Variants in LMO3 observed in about 807,000 individuals in gnomAD.
The protein encoded by LMO3 is LIM domain only 3.
A neutral mutation model predicts 15.8 loss-of-function variants in LMO3; 2 were observed. That is an observed-to-expected ratio of 0.13 (90% CI 0.05 to 0.40). LMO3 has a LOEUF of 0.40. LMO3 is among the 10% of genes least tolerant of loss of function. The pLI is 0.99. For synonymous variants in LMO3, 62 were observed against 63.8 expected (o/e 0.97, Z 0.13); for missense variants, 86 against 182.2 (o/e 0.47, Z 3.04).
rs777114912 is a variant in LMO3 at position 16,585,821 on chromosome 12, C to T, written c.206+14834G>A. On this transcript the variant is annotated intron_variant, in intron 2 of 3. Coordinates refer to ENST00000537304, the MANE Select transcript of LMO3 (RefSeq NM_018640.5). This position sits in a 1 kb window ranked among gnomAD's most constrained non-coding sequence, Gnocchi z 4.7. ...TAGAAAGTAAATTTGATCTGGGCTT[C>T]CCAGGAAACAAAGAAAAGAGGGAAA... Among the ~76,000 whole-genome samples, 2 of 152,090 alleles carry T rather than the reference C, an allele frequency of 1.3e-5. No homozygotes were observed. Among genetic ancestry groups the T allele is most frequent in the Non-Finnish European group, 2.9e-5 (2 of 68,026 alleles).
intron 1 of LMO3, 123 bp from the exon 2 acceptor site, chr12:16,600,991 A>T (rs1943805261): frequency 1.4e-6 from 1 of 731,796 alleles, no homozygotes; most frequent in African/African-American, 1.8e-5. Context: ...GTTTAGGGCT[A>T]TACTGAAATC....
rs1591808859 is a variant in LMO3, at chr12:16,582,721, T to A, written c.206+17934A>T. On this transcript the variant is annotated intron_variant, in intron 2 of 3. Transcript: ENST00000537304. This position sits in a 1 kb window ranked among gnomAD's most constrained non-coding sequence, Gnocchi z 4.1. ...TCCTAGGTACGGTCCCTCACTCTTTTAAGTATCTGATTGGGATGAGACGCC... is the reference window on the plus strand; with the variant it reads ...TCCTAGGTACGGTCCCTCACTCTTTAAAGTATCTGATTGGGATGAGACGCC... Among the ~76,000 whole-genome samples the A allele has an allele frequency of 6.6e-6, 1 of 152,166 alleles. No individual in the cohort carries two copies. Among genetic ancestry groups the A allele is most frequent in the Non-Finnish European group, 1.5e-5 (1 of 68,028 alleles).
chr12:16,563,097 T>C (rs1330432237), intron 2 of LMO3, among the ~76,000 whole-genome samples: 1 of 152,216 alleles, frequency 6.6e-6, no homozygotes, highest in East Asian at 1.9e-4. Flanking sequence ...CATCTACACC[T>C]GGACTCTGAT....
chr12:16,607,056 G>C (rs1367857143), upstream of LMO3: 1 of 152,238 alleles, frequency 6.6e-6, no homozygotes, highest in Non-Finnish European at 1.5e-5. Flanking sequence ...CCTGGAGGTG[G>C]CTGCAGTCGC....
In LMO3 at chr12:16,582,661, T is replaced by C. The variant is rs1302804172; in HGVS notation, c.206+17994A>G. 1.3e-5 allele frequency among the ~76,000 whole-genome samples: 2 copies of C among 152,250 alleles called. No individual in the cohort carries two copies. Among genetic ancestry groups the C allele is most frequent in the Admixed American group, 6.5e-5 (1 of 15,292 alleles). ...AACCATGAGGACAAATAACATCTCCTAGGAAAAATAAGTATACCACAACAA... is the reference window on the plus strand; with the variant it reads ...AACCATGAGGACAAATAACATCTCCCAGGAAAAATAAGTATACCACAACAA... On this transcript the variant is annotated intron_variant, in intron 2 of 3. Coordinates refer to ENST00000537304, the MANE Select transcript of LMO3 (RefSeq NM_018640.5). This position sits in a 1 kb window ranked among gnomAD's most constrained non-coding sequence, Gnocchi z 4.1.
intron 2 of LMO3, among the ~76,000 whole-genome samples, chr12:16,578,924 T>A (rs1943076419): frequency 2.0e-5 from 3 of 152,112 alleles, no homozygotes; most frequent in Admixed American, 1.3e-4. Context: ...CTTAACAAAG[T>A]CTCACTTGAA....
At chr12:16,578,914 C>G (rs1183490848) in intron 2 of LMO3, among the ~76,000 whole-genome samples, 1 of 152,102 alleles carries the variant, frequency 6.6e-6, no homozygotes, top group Admixed American at 6.6e-5. Context: ...TGGTTCTATA[C>G]TTAACAAAGT....
At chr12:16,552,388 A>G (rs572835894) in intron 3 of LMO3, among the ~76,000 whole-genome samples, 4 of 152,038 alleles carry the variant, frequency 2.6e-5, no homozygotes, top group Non-Finnish European at 5.9e-5. Flanking sequence ...TCCAGCAGAA[A>G]TCTTAGTGGA....
chr12:16,587,543 C>T lies in LMO3; in HGVS notation c.206+13112G>A, dbSNP rs756662695. 2.0e-5 allele frequency among the ~76,000 whole-genome samples: 3 copies of T among 151,928 alleles called. No individual in the cohort carries two copies. Among genetic ancestry groups the T allele is most frequent in the Non-Finnish European group, 4.4e-5 (3 of 67,972 alleles). ...AAACCCCTGGCCTTGAGTTTTGGCC[C>T]CTTAATAGTAGCCTACATGGTTGAC... On this transcript the variant is annotated intron_variant, in intron 2 of 3. Coordinates refer to ENST00000537304, the MANE Select transcript of LMO3 (RefSeq NM_018640.5). This position sits in a 1 kb window ranked among gnomAD's most constrained non-coding sequence, Gnocchi z 4.3.
intron 2 of LMO3, among the ~76,000 whole-genome samples, chr12:16,568,731 C>T (rs1942705372): frequency 6.6e-6 from 1 of 152,168 alleles, no homozygotes; most frequent in African/African-American, 2.4e-5. Context: ...GCTACTTTGG[C>T]TACTAGAAAT....
chr12:16,605,916 A>G, intron 1 of LMO3, 150 bp downstream of exon 1: 1 of 1,286,182 alleles, frequency 7.8e-7, no homozygotes, highest in Non-Finnish European at 1.1e-6. Context: ...TGAAAGTTGC[A>G]GTGCGGAGCT....
At chr12:16,602,926 C>T (rs895298183) in intron 1 of LMO3, among the ~76,000 whole-genome samples, 6 of 151,548 alleles carry the variant, frequency 4.0e-5, no homozygotes, top group Admixed American at 6.6e-5. Context: ...TCCTAATTAA[C>T]GGCCATTCTA....
At chr12:16,557,726 A>C (rs1044094027) in intron 3 of LMO3, among the ~76,000 whole-genome samples, 20 of 152,158 alleles carry the variant, frequency 1.3e-4, no homozygotes, top group East Asian at 5.8e-4. Context: ...ATTTAACATA[A>C]ATTATTTTAT....
intron 2 of LMO3, among the ~76,000 whole-genome samples, chr12:16,577,418 T>A (rs1943029120): frequency 6.6e-6 from 1 of 152,182 alleles, no homozygotes. Context: ...TTCTTCATTA[T>A]TTTCATCATA....
Position 16,586,703 on chromosome 12 carries a change from C to T in LMO3, c.206+13952G>A, listed in dbSNP as rs1313656200. On this transcript the variant is annotated intron_variant, in intron 2 of 3. Coordinates refer to ENST00000537304, the MANE Select transcript of LMO3 (RefSeq NM_018640.5). The surrounding 1 kb of genome is among the most constrained non-coding windows in gnomAD (Gnocchi z 4.3). The stretch of plus-strand genomic sequence containing the variant: ...TTTCAAGATACACATCTTTTGACCC[C>T]CCATTGCAGTAGATGATGTTTTTTT... Among the ~76,000 whole-genome samples the T allele has an allele frequency of 6.6e-6, 1 of 152,158 alleles. No homozygotes were observed. The highest frequency in any genetic ancestry group is 6.5e-5 in the Admixed American group (1 of 15,272).
At chr12:16,600,090 T>G (rs887196264) in intron 2 of LMO3, 3 of 152,448 alleles carry the variant, frequency 2.0e-5, no homozygotes, top group African/African-American at 7.2e-5. Flanking sequence ...GCACCTGACT[T>G]CCTCTGACAC....
At position 16,589,355 on chromosome 12, in the gene LMO3, A is replaced by G. The variant is rs1241734152; in HGVS notation, c.206+11300T>C. Among the ~76,000 whole-genome samples the G allele has an allele frequency of 6.6e-6, 1 of 152,140 alleles. No homozygotes were observed. The highest frequency in any genetic ancestry group is 1.5e-5 in the Non-Finnish European group (1 of 68,004). ...AGAAACACATGATGAGACATTTAAA[A>G]TATACTGTACATATTACTATGAGTG... is the stretch of plus-strand genomic sequence containing the variant. On this transcript the variant is annotated intron_variant, in intron 2 of 3. Coordinates refer to ENST00000537304, the MANE Select transcript of LMO3 (RefSeq NM_018640.5). The surrounding 1 kb of genome is among the most constrained non-coding windows in gnomAD (Gnocchi z 4.2).
chr12:16,576,327 C>G lies in LMO3; in HGVS notation c.207-15789G>C, dbSNP rs143975873. ...CTTCTATCCCATCACTGAGCCTCAG[C>G]CCCAATGTGCTGTCTACTCCCTGGA... is the stretch of plus-strand genomic sequence containing the variant. On this transcript the variant is annotated intron_variant, in intron 2 of 3. Transcript: ENST00000537304. The surrounding 1 kb of genome is among the most constrained non-coding windows in gnomAD (Gnocchi z 4.1). Among the ~76,000 whole-genome samples the G allele has an allele frequency of 6.6e-6, 1 of 152,144 alleles. No individual in the cohort carries two copies. Among genetic ancestry groups the G allele is most frequent in the Non-Finnish European group, 1.5e-5 (1 of 68,020 alleles).
At chr12:16,556,935 T>G (rs2137295857) in intron 3 of LMO3, among the ~76,000 whole-genome samples, 1 of 152,244 alleles carries the variant, frequency 6.6e-6, no homozygotes, top group Non-Finnish European at 1.5e-5. Context: ...CACAGAAATA[T>G]ATTAGGTACT....
Sources: gnomAD v4.1 joint callset for allele counts (sites outside exome capture counted in the v4.1 genomes callset) on GRCh38, gnomAD v4.1.1 for gene constraint, Gnocchi (gnomAD v3.1) non-coding constraint, MANE v1.5 for transcripts, NCBI Gene and HGNC (gene_info 2026-07-23, HGNC 2026-07-21) for gene names.